Variants in ASIC2 observed in about 807,000 individuals in gnomAD.
ASIC2 encodes the protein acid-sensing ion channel 2.
A neutral mutation model predicts 57.3 loss-of-function variants in ASIC2; 25 were observed. That is an observed-to-expected ratio of 0.44 (90% confidence interval 0.32 to 0.61). ASIC2 has a LOEUF of 0.61. Ranked by LOEUF, ASIC2 falls within the 20% of genes least tolerant of loss-of-function variation. The probability of loss-of-function intolerance (pLI) is 0.06; values close to 1 mark genes in which losing one functional copy is unlikely to be tolerated. For missense variants in ASIC2, 641 were observed against 738.1 expected (o/e 0.87, Z 1.52); for synonymous variants, 319 against 307.5 (o/e 1.04, Z -0.39).
chr17:33,934,000 T>C (rs1193395246), intron 1 of ASIC2, among the ~76,000 whole-genome samples: 1 of 152,232 alleles, frequency 6.6e-6, no homozygotes. Flanking sequence ...TTTGATTCTT[T>C]CGGGTCAGCA....
At chr17:33,453,142 G>C (rs1912322827) in intron 1 of ASIC2, among the ~76,000 whole-genome samples, 1 of 152,028 alleles carries the variant, frequency 6.6e-6, no homozygotes, top group Admixed American at 6.6e-5. Flanking sequence ...AATTCTCACA[G>C]TATGTGTACA....
chr17:33,996,851 C>T lies in ASIC2; in HGVS notation c.555+159127G>A, dbSNP rs186608459. ...TTTGGCCATTCAGGGTCTTCTGTGG[C>T]TCCATGTAAATTTTAGGGTTGTTTG... On this transcript the variant is annotated intron_variant, in intron 1 of 9. Transcript: ENST00000359872. Among the ~76,000 whole-genome samples, 204 of 152,260 alleles carry T rather than the reference C, an allele frequency of 1.3e-3. 1 individual carries two copies. Among genetic ancestry groups the T allele is most frequent in the Non-Finnish European group, 1.8e-3 (125 of 68,006 alleles).
intron 1 of ASIC2, among the ~76,000 whole-genome samples, chr17:33,391,972 T>A (rs949184541): frequency 2.6e-5 from 4 of 152,222 alleles, no homozygotes; most frequent in Non-Finnish European, 5.9e-5. Context: ...CCAAAATTTT[T>A]GCTTTTAAGC....
chr17:34,048,086 C>T (rs368516484), intron 1 of ASIC2, among the ~76,000 whole-genome samples: 8 of 152,262 alleles, frequency 5.3e-5, no homozygotes, highest in African/African-American at 9.6e-5. Flanking sequence ...TTCTAGTGAA[C>T]GGAAGCCCAT....
At chr17:33,051,900 A>AT (rs2091978348) in intron 3 of ASIC2, among the ~76,000 whole-genome samples, 1 of 152,094 alleles carries the variant, frequency 6.6e-6, no homozygotes, top group South Asian at 2.1e-4. Context: ...AGGATCCATG[A>AT]TTTTCACAAA....
At chr17:33,596,944 G>A (rs1033171665) in intron 1 of ASIC2, among the ~76,000 whole-genome samples, 6 of 152,210 alleles carry the variant, frequency 3.9e-5, no homozygotes, top group African/African-American at 1.2e-4. Flanking sequence ...TCATGGATGA[G>A]CTCTCAAAAA....
chr17:33,500,021 T>G (rs1451152939), intron 1 of ASIC2, among the ~76,000 whole-genome samples: 1 of 151,996 alleles, frequency 6.6e-6, no homozygotes, highest in Non-Finnish European at 1.5e-5. Context: ...TGACAGAGTT[T>G]TGACTTACAC....
chr17:33,834,800 A>G (rs1343500264), intron 1 of ASIC2, among the ~76,000 whole-genome samples: 2 of 152,206 alleles, frequency 1.3e-5, no homozygotes, highest in Non-Finnish European at 2.9e-5. Flanking sequence ...GAACTAAACT[A>G]TGATCTTCCC....
At chr17:33,701,209 G>A (rs537759631) in intron 1 of ASIC2, among the ~76,000 whole-genome samples, 1 of 152,064 alleles carries the variant, frequency 6.6e-6, no homozygotes, top group Non-Finnish European at 1.5e-5. Flanking sequence ...ACAGCCTAGG[G>A]TACTCTGAGA....
intron 2 of ASIC2, among the ~76,000 whole-genome samples, chr17:33,110,124 G>T (rs2092251038): frequency 2.6e-5 from 4 of 152,124 alleles, no homozygotes; most frequent in Admixed American, 1.3e-4. Context: ...AGCTACCATT[G>T]TCATGGAGGG....
At chr17:33,634,284 C>A (rs1906274111) in intron 1 of ASIC2, among the ~76,000 whole-genome samples, 1 of 152,158 alleles carries the variant, frequency 6.6e-6, no homozygotes, top group Admixed American at 6.6e-5. Flanking sequence ...ATCAACCTCC[C>A]CCCTTCAGGT....
chr17:33,524,793 G>A (rs967513514), intron 1 of ASIC2, among the ~76,000 whole-genome samples: 4 of 152,100 alleles, frequency 2.6e-5, no homozygotes, highest in Admixed American at 2.6e-4. Context: ...GACTGGCCTT[G>A]AACTCTTGTC....
chr17:33,771,957 A>T (rs779091049), intron 1 of ASIC2, among the ~76,000 whole-genome samples: 2 of 152,050 alleles, frequency 1.3e-5, no homozygotes, highest in Non-Finnish European at 2.9e-5. Context: ...AATTGTTGGG[A>T]CTCAGAAAAT....
intron 1 of ASIC2, among the ~76,000 whole-genome samples, chr17:33,885,635 T>C (rs1036401912): frequency 2.0e-5 from 3 of 152,214 alleles, no homozygotes; most frequent in African/African-American, 7.2e-5. Context: ...AAGCCTGGAA[T>C]ATGGGACTTC....
chr17:34,069,419 C>T (rs1282655338), intron 1 of ASIC2: 2 of 138,084 alleles, frequency 1.4e-5, no homozygotes, highest in Non-Finnish European at 3.2e-5. Flanking sequence ...CTTTCTTCCT[C>T]TCTTTTCTTC....
At chr17:33,492,540 G>T (rs140143578) in intron 1 of ASIC2, among the ~76,000 whole-genome samples, 13 of 152,252 alleles carry the variant, frequency 8.5e-5, no homozygotes, top group African/African-American at 3.1e-4. Context: ...CTGAATCTTT[G>T]GTCTCCTTCC....
chr17:33,851,533 G>A (rs924498641), intron 1 of ASIC2, among the ~76,000 whole-genome samples: 10 of 152,166 alleles, frequency 6.6e-5, no homozygotes, highest in African/African-American at 2.4e-4. Flanking sequence ...CAGCAAAAGG[G>A]GAAAGGTCTT....
At chr17:33,412,887 G>T (rs1380854255) in intron 1 of ASIC2, among the ~76,000 whole-genome samples, 1 of 152,166 alleles carries the variant, frequency 6.6e-6, no homozygotes, top group Non-Finnish European at 1.5e-5. Flanking sequence ...AGGAGCCGGG[G>T]TCTGGTTTAG....
chr17:33,049,200 G>C (rs956726338), intron 3 of ASIC2, among the ~76,000 whole-genome samples: 1 of 152,238 alleles, frequency 6.6e-6, no homozygotes, highest in Non-Finnish European at 1.5e-5. Flanking sequence ...TGTCCTAGGA[G>C]AGTGTCGGCA....
Sources: gnomAD v4.1 joint callset for allele counts (sites outside exome capture counted in the v4.1 genomes callset) on GRCh38, gnomAD v4.1.1 for gene constraint, MANE v1.5 for transcripts, NCBI Gene and HGNC (gene_info 2026-07-23, HGNC 2026-07-21) for gene names.